The following FOXJ3 variants were observed in gnomAD, a reference collection of about 807,000 sequenced individuals.
FOXJ3 encodes the protein forkhead box J3, also known as forkhead box protein J3.
FOXJ3 carries 22 observed loss-of-function variants against 76.1 expected under a neutral mutation model. The observed-to-expected ratio is 0.29, with a 90% CI of 0.21 to 0.41. The LOEUF is 0.41. Among genes scored for constraint, FOXJ3 ranks in the 10% least tolerant of loss-of-function variants. FOXJ3 has a pLI of 1.00. For synonymous variants in FOXJ3, 269 were observed against 261.2 expected (o/e 1.03, Z -0.29); for missense variants, 613 against 762.1 (o/e 0.80, Z 2.30).
intron 4 of FOXJ3, among the ~76,000 whole-genome samples, chr1:42,232,743 C>T (rs929099728): frequency 1.6e-4 from 25 of 152,174 alleles, no homozygotes; most frequent in Non-Finnish European, 2.9e-4. Flanking sequence ...ATTCTGTAGG[C>T]TGCCTGTTCA....
chr1:42,291,489 A>G (rs1377563238), intron 2 of FOXJ3, among the ~76,000 whole-genome samples: 1 of 152,224 alleles, frequency 6.6e-6, no homozygotes, highest in Non-Finnish European at 1.5e-5. Context: ...CAAAGCATAT[A>G]TCTTAAAAAG....
chr1:42,217,842 T>G (rs926633489), intron 5 of FOXJ3, among the ~76,000 whole-genome samples: 2 of 152,102 alleles, frequency 1.3e-5, no homozygotes, highest in African/African-American at 4.8e-5. Flanking sequence ...CTTATAAACT[T>G]TAAATACGCA....
At chr1:42,316,482 CG>C (rs1216827866) in intron 1 of FOXJ3, among the ~76,000 whole-genome samples, 1 of 151,838 alleles carries the variant, frequency 6.6e-6, no homozygotes, top group Non-Finnish European at 1.5e-5. Context: ...GAAATACTTA[CG>C]AGCTCTCTCC....
chr1:42,189,086 T>C (rs1480351460), intron 10 of FOXJ3, 158 bp from the exon 11 acceptor site: 6 of 625,376 alleles, frequency 9.6e-6, no homozygotes, highest in Non-Finnish European at 1.4e-5. Flanking sequence ...TTTTAAATTA[T>C]TCAAAGCCCA....
chr1:42,321,687 G>A (rs1655436110), intron 1 of FOXJ3, among the ~76,000 whole-genome samples: 1 of 152,134 alleles, frequency 6.6e-6, no homozygotes, highest in South Asian at 2.1e-4. Context: ...ATAAACGTGG[G>A]TTTTTTAAAT....
intron 7 of FOXJ3, 137 bp downstream of exon 7, chr1:42,198,965 G>C (rs1372288072): frequency 1.6e-6 from 1 of 642,110 alleles, no homozygotes; most frequent in Non-Finnish European, 2.6e-6. Flanking sequence ...CTCTAATTTT[G>C]ATCTACTTAC....
At chr1:42,230,884 G>A (rs1228383444) in intron 4 of FOXJ3, among the ~76,000 whole-genome samples, 1 of 152,072 alleles carries the variant, frequency 6.6e-6, no homozygotes, top group Non-Finnish European at 1.5e-5. Flanking sequence ...AGGAACTCAA[G>A]TATTTTAACA....
chr1:42,310,155 T>G (rs377619896), intron 2 of FOXJ3, among the ~76,000 whole-genome samples: 227 of 152,048 alleles, frequency 1.5e-3, no homozygotes, highest in African/African-American at 5.0e-3. Context: ...TTAGGTTTTT[T>G]TTTTTTTTTT....
rs542340253 is a variant in FOXJ3 at position 42,323,671 on chromosome 1, G to A, written c.-18+11388C>T. On this transcript the variant is annotated intron_variant, in intron 1 of 12. Transcript: ENST00000361346. ...TACCCATTTCTTGCTAAGAGACTAT[G>A]CCTCTTAATTACCTTTGGATCTCTC... 3 of 979,696 alleles carry A rather than the reference G, an allele frequency of 3.1e-6. No individual in the cohort carries two copies. The East Asian group carries it at 3.4e-4, about 112-fold the overall frequency. 60.7% of individuals were successfully genotyped at this position (979,696 alleles called of 1,614,324 possible).
At chr1:42,264,868 T>G in intron 4 of FOXJ3, 1 of 386,472 alleles carries the variant, frequency 2.6e-6, no homozygotes, top group Non-Finnish European at 4.6e-6. Flanking sequence ...CAAATTTAAT[T>G]TAATACACAA....
chr1:42,257,738 A>AAT (rs386366798), intron 4 of FOXJ3, among the ~76,000 whole-genome samples: 2 of 100 alleles, frequency 0.02, no homozygotes, highest in Non-Finnish European at 0.12. Flanking sequence ...ACTCTGTCTC[A>AAT]AAAAAAAAAA....
intron 1 of FOXJ3, among the ~76,000 whole-genome samples, chr1:42,318,667 ACAC>A (rs1477563801): frequency 6.6e-6 from 1 of 152,164 alleles, no homozygotes; most frequent in Non-Finnish European, 1.5e-5. Flanking sequence ...TTAAAACAAG[ACAC>A]CACTTCATAC....
At chr1:42,276,483 T>G (rs1240064987) in intron 3 of FOXJ3, among the ~76,000 whole-genome samples, 2 of 152,172 alleles carry the variant, frequency 1.3e-5, no homozygotes, top group Non-Finnish European at 2.9e-5. Context: ...AAGTCTTCAT[T>G]TAGCACTACT....
In FOXJ3 at chr1:42,178,101, A is replaced by G. The variant is rs528852085; in HGVS notation, c.*1609T>C. On this transcript the variant is annotated 3_prime_UTR_variant, in exon 13 of 13. Transcript: ENST00000361346. ...TGCAAACTGTGATATGATATGAAAC[A>G]AAACAAACCACCACCACTAAAAAAC... 2 of 152,752 alleles carry G rather than the reference A, an allele frequency of 1.3e-5. No homozygotes were observed. Among genetic ancestry groups the G allele is most frequent in the South Asian group, 2.1e-4 (1 of 4,830 alleles). 9.5% of individuals were successfully genotyped at this position (152,752 alleles called of 1,614,324 possible). A position where few individuals can be genotyped will look rare whatever the true frequency, so the allele number is the denominator to read the frequency against.
chr1:42,294,762 C>CAAAAAAAAAAAAAAAAAAA lies in FOXJ3; in HGVS notation c.45-16091_45-16090insTTTTTTTTTTTTTTTTTTT, dbSNP rs5773766. On this transcript the variant is annotated intron_variant, in intron 2 of 12. Coordinates refer to ENST00000361346, the MANE Select transcript of FOXJ3 (RefSeq NM_014947.5). The stretch of plus-strand genomic sequence containing the variant: ...GGGCAACAAGAGCGAAACTTGGTCT[C>CAAAAAAAAAAAAAAAAAAA]AAAAAAAAAAAAAAAAGACGCCATG... Among the ~76,000 whole-genome samples the CAAAAAAAAAAAAAAAAAAA allele has an allele frequency of 9.0e-4, 95 of 105,654 alleles. 2 individuals carry two copies. The highest frequency in any genetic ancestry group is 3.6e-3 in the African/African-American group (94 of 26,338). 69.3% of individuals were successfully genotyped at this position (105,654 alleles called of 152,430 possible). A position where few individuals can be genotyped will look rare whatever the true frequency, so the allele number is the denominator to read the frequency against.
At position 42,232,328 on chromosome 1, in the gene FOXJ3, G is replaced by A. The variant is rs576826601; in HGVS notation, c.445-4362C>T. 1.4e-3 allele frequency among the ~76,000 whole-genome samples: 209 copies of A among 148,426 alleles called. 1 individual carries two copies. The highest frequency in any genetic ancestry group is 0.013 in the Admixed American group (191 of 14,694). ...GTATATACCCAGTAATGGGATGGCT[G>A]GGTCAAATGGTATTTCTAGTTCTAG... On this transcript the variant is annotated intron_variant, in intron 4 of 12. Transcript: ENST00000361346.
At chr1:42,180,119 C>T (rs146852510) in intron 12 of FOXJ3, among the ~76,000 whole-genome samples, 10 of 152,256 alleles carry the variant, frequency 6.6e-5, no homozygotes, top group Non-Finnish European at 1.0e-4. Flanking sequence ...AAGGAAGACA[C>T]GAGAAAAGTG....
Position 42,188,897 on chromosome 1 carries a change from G to A in FOXJ3, c.1485C>T (p.Leu495=), listed in dbSNP as rs1168034532. 3 of 1,611,488 alleles carry A rather than the reference G, an allele frequency of 1.9e-6. No individual in the cohort carries two copies. Among genetic ancestry groups the A allele is most frequent in the Admixed American group, 1.7e-5 (1 of 59,680 alleles). ...GAACCTGGTCTAAAGACCAGTTCTT[G>A]AGATCTGCCTGTCTCATACTCTCCA... The part of the protein sequence containing the change: ...GLMESMRQAD[L]KNWSLDQVQF... Residue 495 remains leucine (L), a synonymous_variant, in exon 11 of 13, where the codon CTC becomes CTT. Coordinates refer to ENST00000361346, the MANE Select transcript of FOXJ3 (RefSeq NM_014947.5).
At chr1:42,312,552 T>A (rs1191861287) in intron 1 of FOXJ3, among the ~76,000 whole-genome samples, 1 of 152,196 alleles carries the variant, frequency 6.6e-6, no homozygotes, top group Non-Finnish European at 1.5e-5. Flanking sequence ...TCGTAACCAC[T>A]GAAAATAACG....
Sources: gnomAD v4.1 joint callset for allele counts (sites outside exome capture counted in the v4.1 genomes callset) on GRCh38, gnomAD v4.1.1 for gene constraint, MANE v1.5 for transcripts, NCBI Gene and HGNC (gene_info 2026-07-23, HGNC 2026-07-21) for gene names.